The following DOCK2 variants were observed in gnomAD, a reference collection of about 807,000 sequenced individuals.
DOCK2 encodes dedicator of cytokinesis protein 2.
In DOCK2, 87 loss-of-function variants were observed where a neutral mutation model predicts 248.9. That is an observed-to-expected ratio of 0.35 (90% confidence interval 0.29 to 0.42). The LOEUF (loss-of-function observed/expected upper bound fraction) is 0.42, where lower values mean the gene tolerates loss of function less well. Among genes scored for constraint, DOCK2 ranks in the 10% least tolerant of loss-of-function variants. The pLI, the probability that DOCK2 is intolerant of heterozygous loss-of-function variation, is 1.00. For missense variants in DOCK2, 1,747 were observed against 2,300.2 expected (o/e 0.76, Z 4.92); for synonymous variants, 805 against 821.6 (o/e 0.98, Z 0.35).
In DOCK2 at chr5:169,794,459, T is replaced by C. The variant is rs374414280; in HGVS notation, c.2555-8599T>C. ...TTTAGCACTTTACTAGAATATAATA[T>C]CCATGAGAACAGTGAGTATTGACTA... On this transcript the variant is annotated intron_variant, in intron 25 of 51. Transcript: ENST00000520908. 5.1e-4 allele frequency among the ~76,000 whole-genome samples: 77 copies of C among 152,324 alleles called. No individual in the cohort carries two copies. The East Asian group carries it at 8.7e-3, about 17-fold the overall frequency.
intron 27 of DOCK2, among the ~76,000 whole-genome samples, chr5:169,976,265 A>C (rs924296037): frequency 6.6e-6 from 1 of 152,230 alleles, no homozygotes; most frequent in Non-Finnish European, 1.5e-5. Flanking sequence ...TTAAGAGAAC[A>C]CAGGGCTTAG....
intron 26 of DOCK2, among the ~76,000 whole-genome samples, chr5:169,826,146 G>T (rs543532503): frequency 6.6e-6 from 1 of 152,164 alleles, no homozygotes; most frequent in Non-Finnish European, 1.5e-5. Context: ...CATGTACTTA[G>T]TGCTTACTCT....
intron 27 of DOCK2, among the ~76,000 whole-genome samples, chr5:169,932,554 A>G (rs187498524): frequency 3.3e-5 from 5 of 152,328 alleles, no homozygotes. Flanking sequence ...TTTTGCCGTC[A>G]GTTTTGGGTT....
At position 169,637,288 on chromosome 5, in the gene DOCK2, C is replaced by A; in HGVS notation, c.-39C>A. On this transcript the variant is annotated 5_prime_UTR_variant, in exon 1 of 52. Coordinates refer to ENST00000520908, the MANE Select transcript of DOCK2 (RefSeq NM_004946.3). ...CCTGCGGCGCCCAGCCACCCCCTGA[C>A]GGCTTCCCCACGGGAGGACGCGAGG... 2 of 1,436,430 alleles carry A rather than the reference C, an allele frequency of 1.4e-6. No homozygotes were observed. Among genetic ancestry groups the A allele is most frequent in the Non-Finnish European group, 9.1e-7 (1 of 1,098,842 alleles). 89.0% of individuals were successfully genotyped at this position (1,436,430 alleles called of 1,614,324 possible). A position where few individuals can be genotyped will look rare whatever the true frequency, so the allele number is the denominator to read the frequency against.
intron 8 of DOCK2, among the ~76,000 whole-genome samples, 199 bp from the exon 9 acceptor site, chr5:169,689,053 C>T (rs1009530510): frequency 1.3e-5 from 2 of 151,948 alleles, no homozygotes; most frequent in African/African-American, 4.8e-5. Flanking sequence ...GTTAATAGTT[C>T]TTTGCTCTTG....
chr5:169,864,569 C>A, intron 27 of DOCK2: 1 of 881,224 alleles, frequency 1.1e-6, no homozygotes, highest in Non-Finnish European at 1.7e-6. Context: ...GGGATCAAAT[C>A]CTAGATCCTT....
At chr5:169,941,138 C>T (rs892730864) in intron 27 of DOCK2, among the ~76,000 whole-genome samples, 2 of 152,120 alleles carry the variant, frequency 1.3e-5, no homozygotes, top group Admixed American at 6.5e-5. Flanking sequence ...CACAGGGTGT[C>T]GGGAGAGCAG....
intron 14 of DOCK2, among the ~76,000 whole-genome samples, chr5:169,703,713 C>G (rs1278296629): frequency 1.3e-5 from 2 of 152,186 alleles, no homozygotes; most frequent in African/African-American, 4.8e-5. Flanking sequence ...ACGCATCCTC[C>G]TTTTGTTGCA....
chr5:169,829,401 A>G (rs1769080456), intron 26 of DOCK2, among the ~76,000 whole-genome samples: 1 of 152,248 alleles, frequency 6.6e-6, no homozygotes, highest in Non-Finnish European at 1.5e-5. Context: ...CGTTTTCATT[A>G]GCCCATGCAG....
chr5:169,670,445 G>A, intron 3 of DOCK2, 97 bp from the exon 4 acceptor site: 1 of 1,402,394 alleles, frequency 7.1e-7, no homozygotes, highest in Non-Finnish European at 9.5e-7. Flanking sequence ...TAAGCCAGTA[G>A]CTTTTGGAAA....
In DOCK2 at chr5:169,854,798, C is replaced by A. The variant is rs116328991; in HGVS notation, c.2799+13946C>A. 6.1e-3 allele frequency among the ~76,000 whole-genome samples: 930 copies of A among 152,286 alleles called. 4 individuals are homozygous for A. Among genetic ancestry groups the A allele is most frequent in the Non-Finnish European group, 9.2e-3 (625 of 68,020 alleles). Reference sequence around the variant, plus strand: ...TGGAGAGTCCCAGAGATGGAAATGACAATTGTGTCCCCCCAGAATTTTCTT... The same window carrying A: ...TGGAGAGTCCCAGAGATGGAAATGAAAATTGTGTCCCCCCAGAATTTTCTT... On this transcript the variant is annotated intron_variant, in intron 27 of 51. Transcript: ENST00000520908.
intron 26 of DOCK2, among the ~76,000 whole-genome samples, chr5:169,837,026 A>G (rs1769624253): frequency 6.6e-6 from 1 of 152,150 alleles, no homozygotes. Flanking sequence ...AGTCAGGAAG[A>G]GAGGGCTTGG....
At chr5:169,991,680 A>T (rs1778213724) in intron 29 of DOCK2, among the ~76,000 whole-genome samples, 1 of 152,228 alleles carries the variant, frequency 6.6e-6, no homozygotes, top group South Asian at 2.1e-4. Context: ...ACAAAGTGCG[A>T]AGGGCTGCGT....
At chr5:169,810,889 AC>A (rs1767696833) in intron 26 of DOCK2, among the ~76,000 whole-genome samples, 1 of 142,802 alleles carries the variant, frequency 7.0e-6, no homozygotes, top group African/African-American at 2.6e-5. Flanking sequence ...CATGCCCCCC[AC>A]CCCCCATGAA....
intron 27 of DOCK2, among the ~76,000 whole-genome samples, chr5:169,962,872 C>A (rs1348391711): frequency 6.6e-6 from 1 of 152,068 alleles, no homozygotes; most frequent in Non-Finnish European, 1.5e-5. Context: ...TCTCCTTGCC[C>A]AGAACAGAGA....
At chr5:169,779,313 T>G (rs1209212054) in intron 25 of DOCK2, 1 of 152,222 alleles carries the variant, frequency 6.6e-6, no homozygotes, top group Non-Finnish European at 1.5e-5. Context: ...TTGTTAGCAC[T>G]GAAAGTGTGG....
At chr5:169,918,021 G>T (rs1349206992) in intron 27 of DOCK2, among the ~76,000 whole-genome samples, 1 of 152,178 alleles carries the variant, frequency 6.6e-6, no homozygotes, top group Non-Finnish European at 1.5e-5. Context: ...AGCAAGGAAA[G>T]GTATTTAGCT....
chr5:169,871,236 G>A (rs1771950004), intron 27 of DOCK2, among the ~76,000 whole-genome samples: 1 of 152,116 alleles, frequency 6.6e-6, no homozygotes, highest in South Asian at 2.1e-4. Flanking sequence ...CTGATACCTA[G>A]TCCTTTGATT....
At chr5:169,770,066 A>G (rs555947460) in intron 25 of DOCK2, among the ~76,000 whole-genome samples, 26 of 152,336 alleles carry the variant, frequency 1.7e-4, no homozygotes, top group Admixed American at 8.5e-4. Flanking sequence ...ACAGACCTCA[A>G]TTGTACAGAG....
Sources: allele counts gnomAD v4.1 joint callset (sites outside exome capture counted in the v4.1 genomes callset), GRCh38; gene constraint gnomAD v4.1.1; transcripts MANE v1.5; gene names NCBI Gene and HGNC (gene_info 2026-07-23, HGNC 2026-07-21).